Variants in KIF14 observed in about 807,000 individuals in gnomAD.
KIF14 encodes the protein kinesin family member 14, also known as kinesin-like protein KIF14.
KIF14 carries 98 observed loss-of-function variants against 176.2 expected under a neutral mutation model. The ratio of observed to expected loss-of-function variants is 0.56; its 90% confidence interval spans 0.47 to 0.66. The LOEUF (loss-of-function observed/expected upper bound fraction) is 0.66. Ranked by LOEUF, KIF14 falls within the 30% of genes least tolerant of loss-of-function variation. KIF14 has a pLI of 0.00. For synonymous variants in KIF14, 566 were observed against 632.2 expected (o/e 0.90, Z 1.57); for missense variants, 1,751 against 1,920.4 (o/e 0.91, Z 1.65).
At chr1:200,600,231 C>G in intron 12 of KIF14, 118 bp from the exon 13 acceptor site, 1 of 1,200,408 alleles carries the variant, frequency 8.3e-7, no homozygotes, top group Non-Finnish European at 1.2e-6. Context: ...ATATGATAAT[C>G]TGGGAGTGGG....
chr1:200,568,159 G>A (rs548065117), intron 23 of KIF14, among the ~76,000 whole-genome samples: 4 of 152,260 alleles, frequency 2.6e-5, no homozygotes, highest in African/African-American at 7.2e-5. Flanking sequence ...ACCACTCACA[G>A]CTGCCCAGAC....
At chr1:200,574,087 G>A (rs997743522) in intron 22 of KIF14, among the ~76,000 whole-genome samples, 2 of 152,132 alleles carry the variant, frequency 1.3e-5, no homozygotes, top group African/African-American at 4.8e-5. Context: ...TGAGGGTAAT[G>A]ACAATATCTA....
intron 15 of KIF14, 71 bp downstream of exon 15, chr1:200,593,596 A>G (rs1659160777): frequency 4.0e-6 from 4 of 995,036 alleles, no homozygotes; most frequent in Non-Finnish European, 6.4e-6. Context: ...AGAGAAAACC[A>G]GAACTCAAAG....
chr1:200,570,795 G>A lies in KIF14; in HGVS notation c.3567-790C>T, dbSNP rs116205149. On this transcript the variant is annotated intron_variant, in intron 22 of 29. Coordinates refer to ENST00000367350, the MANE Select transcript of KIF14 (RefSeq NM_014875.3). ...GTTCAAGGGGTACATGTGCAGGTTT[G>A]TTACATGGGTAAATTTCATGCTGTG... is the stretch of plus-strand genomic sequence containing the variant. Among the ~76,000 whole-genome samples the A allele has an allele frequency of 6.4e-3, 974 of 152,216 alleles. 6 individuals carry two copies. Among genetic ancestry groups the A allele is most frequent in the African/African-American group, 0.021 (892 of 41,524 alleles).
chr1:200,564,716 A>G (rs1387250434), intron 25 of KIF14, among the ~76,000 whole-genome samples: 4 of 152,178 alleles, frequency 2.6e-5, no homozygotes, highest in Non-Finnish European at 5.9e-5. Flanking sequence ...GCCTGGGTCC[A>G]AATCCAACTC....
chr1:200,574,039 C>G (rs1657967087), intron 22 of KIF14, among the ~76,000 whole-genome samples: 1 of 152,166 alleles, frequency 6.6e-6, no homozygotes, highest in South Asian at 2.1e-4. Context: ...GGACAAGTCA[C>G]TTAACCTCTC....
chr1:200,575,542 C>G, intron 22 of KIF14, 49 bp downstream of exon 22: 1 of 951,024 alleles, frequency 1.1e-6, no homozygotes, highest in Non-Finnish European at 1.6e-6. Context: ...CACACACACA[C>G]ACATGCACAC....
intron 25 of KIF14, 142 bp from the exon 26 acceptor site, chr1:200,561,022 G>A: frequency 1.5e-6 from 1 of 670,228 alleles, no homozygotes; most frequent in Non-Finnish European, 2.6e-6. Context: ...CCTGAGGTCA[G>A]GAGTTCAAGA....
chr1:200,602,229 T>C (rs895944619), intron 10 of KIF14, among the ~76,000 whole-genome samples, 161 bp from the exon 11 acceptor site: 1 of 152,234 alleles, frequency 6.6e-6, no homozygotes, highest in African/African-American at 2.4e-5. Context: ...TATTTCTAGA[T>C]CTCATAAACA....
Position 200,553,739 on chromosome 1 carries a change from C to G in KIF14, c.4596G>C (p.Gln1532His). 1 of 1,606,512 alleles carries G rather than the reference C, an allele frequency of 6.2e-7. No homozygotes were observed. The highest frequency in any genetic ancestry group is 1.3e-5 in the African/African-American group (1 of 74,796). ...AGTTGCGAATACTTTCAACACAAGT[C>G]TGGAGAAGATTTATATCACTATGGC... ...KGCHSDINLL[Q>H]TCVESIRNLA... The change falls in exon 30 of 30, where the codon CAG becomes CAC. Residue 1532 changes from glutamine to histidine, a missense_variant. Physicochemically the swap from Gln to His is conservative, Grantham distance 24. Coordinates refer to ENST00000367350, the MANE Select transcript of KIF14 (RefSeq NM_014875.3).
At chr1:200,566,032 A>G (rs1475098126) in intron 23 of KIF14, among the ~76,000 whole-genome samples, 6 of 152,194 alleles carry the variant, frequency 3.9e-5, no homozygotes. Flanking sequence ...TATTGCAAGC[A>G]TATTATAGGA....
At chr1:200,605,508 T>C in intron 7 of KIF14, 118 bp from the exon 8 acceptor site, 1 of 600,544 alleles carries the variant, frequency 1.7e-6, no homozygotes, top group Non-Finnish European at 2.8e-6. Flanking sequence ...AACTCAATGA[T>C]ATAAAAATTA....
intron 14 of KIF14, among the ~76,000 whole-genome samples, chr1:200,596,030 G>GGATCA (rs892488908): frequency 3.3e-5 from 5 of 151,960 alleles, no homozygotes; most frequent in Non-Finnish European, 5.9e-5. Flanking sequence ...CAAGGTGGGC[G>GGATCA]GATCACCTGA....
intron 23 of KIF14, among the ~76,000 whole-genome samples, chr1:200,565,972 C>T (rs1657425485): frequency 6.6e-6 from 1 of 152,170 alleles, no homozygotes; most frequent in Non-Finnish European, 1.5e-5. Flanking sequence ...TACTCGTATA[C>T]TATTGCTCTT....
rs759119778 is a variant in KIF14 at position 200,555,423 on chromosome 1, C to T, written c.4385G>A (p.Gly1462Glu). Residue 1462 changes from glycine to glutamate, a missense_variant, in exon 28 of 30, where the codon GGA (glycine) becomes GAA (glutamate). Gly to Glu is a moderately conservative substitution (Grantham distance 98). Coordinates refer to ENST00000367350, the MANE Select transcript of KIF14 (RefSeq NM_014875.3). Reference protein sequence around the residue: ...VTKEMKTNAMGLIRSLENIFA... With the variant: ...VTKEMKTNAMELIRSLENIFA... ...GATGTTTTCAAGAGATCTAATCAATCCCATGGCATTAGTTTTCATTTCTTT... is the reference window on the plus strand; with the variant it reads ...GATGTTTTCAAGAGATCTAATCAATTCCATGGCATTAGTTTTCATTTCTTT... The T allele has an allele frequency of 1.6e-5, 26 of 1,577,732 alleles. 1 individual carries two copies. In the African/African-American group the frequency reaches 1.8e-4, roughly 11 times the overall value.
chr1:200,590,092 G>GAA, intron 17 of KIF14, 33 bp downstream of exon 17: 4 of 1,433,648 alleles, frequency 2.8e-6, no homozygotes, highest in Non-Finnish European at 1.9e-6. Flanking sequence ...TACACTGTCG[G>GAA]AAAAAAAAAA....
chr1:200,610,373 G>A (rs1345227663), intron 4 of KIF14, among the ~76,000 whole-genome samples: 1 of 151,994 alleles, frequency 6.6e-6, no homozygotes, highest in East Asian at 1.9e-4. Flanking sequence ...AGCCGGGCGT[G>A]GTGGCGGGTA....
chr1:200,591,973 AG>A, intron 16 of KIF14, 106 bp downstream of exon 16: 2 of 910,946 alleles, frequency 2.2e-6, no homozygotes, highest in Non-Finnish European at 3.3e-6. Flanking sequence ...TTATATCACT[AG>A]AAACCAGCAC....
chr1:200,568,652 T>C (rs1022667019), intron 23 of KIF14, among the ~76,000 whole-genome samples: 2 of 152,156 alleles, frequency 1.3e-5, no homozygotes, highest in African/African-American at 4.8e-5. Context: ...ATTTCCACCA[T>C]CCCATCCCAA....
Sources: gnomAD v4.1 joint callset for allele counts (sites outside exome capture counted in the v4.1 genomes callset) on GRCh38, gnomAD v4.1.1 for gene constraint, MANE v1.5 for transcripts, NCBI Gene and HGNC (gene_info 2026-07-23, HGNC 2026-07-21) for gene names.